MARK4: variants seen among roughly 807,000 people sequenced by gnomAD.
The protein encoded by MARK4 is microtubule affinity regulating kinase 4.
A neutral mutation model predicts 81.5 loss-of-function variants in MARK4; 19 were observed. The ratio of observed to expected loss-of-function variants is 0.23; its 90% CI spans 0.16 to 0.34. The LOEUF (loss-of-function observed/expected upper bound fraction) is 0.34. Ranked by LOEUF, MARK4 falls within the 10% of genes least tolerant of loss-of-function variation. The pLI is 1.00. For synonymous variants in MARK4, 436 were observed against 439.0 expected (o/e 0.99, Z 0.08); for missense variants, 772 against 1,058.8 (o/e 0.73, Z 3.76).
chr19:45,279,893 G>T (rs1970649450), intron 10 of MARK4, among the ~76,000 whole-genome samples: 1 of 152,128 alleles, frequency 6.6e-6, no homozygotes, highest in South Asian at 2.1e-4. Flanking sequence ...ACACTAATTA[G>T]CCAGACCTGG....
At chr19:45,274,699 G>A (rs369299001) in intron 8 of MARK4, among the ~76,000 whole-genome samples, 1 of 152,132 alleles carries the variant, frequency 6.6e-6, no homozygotes, top group East Asian at 1.9e-4. Context: ...AGTCTGGGGT[G>A]GGGAGGTGTT....
chr19:45,259,719 G>A (rs776441765), intron 2 of MARK4, among the ~76,000 whole-genome samples: 2 of 152,186 alleles, frequency 1.3e-5, no homozygotes, highest in Non-Finnish European at 2.9e-5. Context: ...AGGCTGCGGT[G>A]AGGTGTGACC....
chr19:45,292,804 C>A (rs142949792), intron 13 of MARK4, among the ~76,000 whole-genome samples: 2 of 151,554 alleles, frequency 1.3e-5, no homozygotes, highest in African/African-American at 4.8e-5. Context: ...GCCAGGAGGT[C>A]GAGGCTGCAG....
intron 15 of MARK4, chr19:45,298,162 A>T: frequency 6.2e-7 from 1 of 1,613,692 alleles, no homozygotes; most frequent in Non-Finnish European, 8.5e-7. Context: ...CGATCCCTCT[A>T]AACGGCAGAA....
Position 45,278,532 on chromosome 19 carries a change from A to T in MARK4, c.923A>T (p.Lys308Ile). Residue 308 changes from lysine to isoleucine, a missense_variant, in exon 10 of 17, where the codon AAA (lysine) becomes ATA (isoleucine). Lys to Ile is a moderately radical substitution (Grantham distance 102). Around this residue, in one of 3 missense-constraint regions of MARK4, gnomAD observed 109 missense variants for 294.7 expected, o/e 0.37. Coordinates refer to ENST00000262891, the MANE Select transcript of MARK4 (RefSeq NM_001199867.2). ...RCTLEQIMKD[K>I]WINIGYEGEE... is the part of the protein sequence containing the mutation. ...TGCCTGCAGCAAATCATGAAAGACA[A>T]ATGGATCAACATCGGCTATGAGGGT... The T allele has an allele frequency of 6.2e-7, 1 of 1,613,950 alleles. No individual in the cohort carries two copies. Among genetic ancestry groups the T allele is most frequent in the Non-Finnish European group, 8.5e-7 (1 of 1,179,930 alleles).
At chr19:45,266,400 C>G in intron 7 of MARK4, 119 bp downstream of exon 7, 1 of 910,606 alleles carries the variant, frequency 1.1e-6, no homozygotes, top group Non-Finnish European at 1.8e-6. Flanking sequence ...CTTTTCTCCT[C>G]CTGCTCTTCC....
At chr19:45,264,490 C>CA (rs368822280) in intron 4 of MARK4, among the ~76,000 whole-genome samples, 194 bp from the exon 5 acceptor site, 13,335 of 117,684 alleles carry the variant, frequency 0.11, 1,023 homozygotes, top group East Asian at 0.44. Flanking sequence ...AACTCCATCT[C>CA]AAAAAAAAAA....
At chr19:45,256,976 C>G (rs1446183791) in intron 1 of MARK4, among the ~76,000 whole-genome samples, 2 of 151,552 alleles carry the variant, frequency 1.3e-5, no homozygotes, top group East Asian at 1.9e-4. Flanking sequence ...TTTTTAGAGA[C>G]AGGGTCTTGC....
intron 14 of MARK4, among the ~76,000 whole-genome samples, chr19:45,295,194 CAAA>C (rs778188519): frequency 7.4e-6 from 1 of 134,264 alleles, no homozygotes; most frequent in Non-Finnish European, 1.6e-5. Flanking sequence ...CTAAAAATAC[CAAA>C]AAAAAAAAAA....
intron 15 of MARK4, 195 bp downstream of exon 15, chr19:45,298,149 C>A (rs778775127): frequency 1.9e-6 from 3 of 1,614,004 alleles, no homozygotes; most frequent in Non-Finnish European, 1.7e-6. Context: ...GCAGGGTTAC[C>A]CTCGATCCCT....
chr19:45,259,177 C>T lies in MARK4; in HGVS notation c.240C>T (p.Leu80=). 5 of 1,614,076 alleles carry T rather than the reference C, an allele frequency of 3.1e-6. No individual in the cohort carries two copies. Among genetic ancestry groups the T allele is most frequent in the Non-Finnish European group, 3.4e-6 (4 of 1,180,020 alleles). Residue 80 remains leucine (L), a synonymous_variant, in exon 2 of 17, where the codon CTC becomes CTT. Transcript: ENST00000262891. ...FAKVKLARHI[L]TGREVAIKII... is the part of the protein sequence containing the mutation. ...AAGTCAAGCTGGCTCGGCACATCCT[C>T]ACTGGTCGGGAGGTGAGTATGGGCA...
chr19:45,265,969 ATG>A (rs1158747122), intron 6 of MARK4, among the ~76,000 whole-genome samples: 1 of 151,940 alleles, frequency 6.6e-6, no homozygotes, highest in East Asian at 1.9e-4. Context: ...GAGTTTCCAG[ATG>A]TGAAGGTCAA....
chr19:45,257,743 G>A lies in MARK4; in HGVS notation c.52-1246G>A, dbSNP rs1970327436. Among the ~76,000 whole-genome samples the A allele has an allele frequency of 2.0e-5, 3 of 147,482 alleles. No homozygotes were observed. The Admixed American group carries it at 2.1e-4, about 10-fold the overall frequency. On this transcript the variant is annotated intron_variant, in intron 1 of 16. Transcript: ENST00000262891. ...CTCGCTCTGTCACCCAGGCTGGAGT[G>A]CAGCGGCGCGATCTCGGCTCACTGC...
intron 7 of MARK4, among the ~76,000 whole-genome samples, chr19:45,270,838 T>C (rs1035474788): frequency 3.9e-5 from 6 of 152,186 alleles, no homozygotes; most frequent in African/African-American, 1.4e-4. Flanking sequence ...TGGCATGATC[T>C]CGGCTCACCG....
At chr19:45,262,930 A>G (rs1970398166) in intron 2 of MARK4, 183 bp from the exon 3 acceptor site, 1 of 619,312 alleles carries the variant, frequency 1.6e-6, no homozygotes. Context: ...ACACCTGGCT[A>G]ATTTTTGTAT....
At chr19:45,294,608 C>T (rs1401544340) in intron 14 of MARK4, among the ~76,000 whole-genome samples, 156 bp downstream of exon 14, 1 of 152,096 alleles carries the variant, frequency 6.6e-6, no homozygotes, top group African/African-American at 2.4e-5. Flanking sequence ...ACCCATGTAC[C>T]CCCCTGAAAA....
In MARK4 at chr19:45,271,537, G is replaced by A. The variant is rs1970526934; in HGVS notation, c.615G>A (p.Glu205=). 6.2e-7 allele frequency: 1 copy of A among 1,614,248 alleles called. No homozygotes were observed. The highest frequency in any genetic ancestry group is 1.7e-5 in the Admixed American group (1 of 60,030). Residue 205 remains glutamate, a synonymous_variant, in exon 8 of 17, where the codon GAG becomes GAA. Coordinates refer to ENST00000262891, the MANE Select transcript of MARK4 (RefSeq NM_001199867.2). This position sits in a 1 kb window ranked among gnomAD's most constrained non-coding sequence, Gnocchi z 4.1. ...IKIADFGFSN[E]FTLGSKLDTF... ...TTGCTGACTTTGGCTTCAGCAACGA[G>A]TTCACGCTGGGATCGAAGCTGGACA...
intron 13 of MARK4, among the ~76,000 whole-genome samples, chr19:45,292,105 A>G (rs1351448024): frequency 6.6e-6 from 1 of 152,168 alleles, no homozygotes; most frequent in Non-Finnish European, 1.5e-5. Context: ...GTTCCCAAGA[A>G]CAGCAAAGTA....
chr19:45,294,806 G>A (rs1233292052), intron 14 of MARK4, among the ~76,000 whole-genome samples: 1 of 152,170 alleles, frequency 6.6e-6, no homozygotes, highest in East Asian at 1.9e-4. Context: ...GCCTGAGTCT[G>A]TGAGGTCTCT....
Sources: allele counts gnomAD v4.1 joint callset (sites outside exome capture counted in the v4.1 genomes callset), GRCh38; gene constraint gnomAD v4.1.1; regional missense constraint gnomAD v4.1.1; non-coding constraint Gnocchi (gnomAD v3.1); transcripts MANE v1.5; gene names NCBI Gene and HGNC (gene_info 2026-07-23, HGNC 2026-07-21).